ASPRV1: variants seen among roughly 807,000 people sequenced by gnomAD.
ASPRV1 encodes the protein retroviral-like aspartic protease 1.
ASPRV1 carries 7 observed loss-of-function variants against 11.0 expected under a neutral mutation model. That is an observed-to-expected ratio of 0.64 (90% confidence interval 0.36 to 1.20). The LOEUF (loss-of-function observed/expected upper bound fraction) is 1.20, where lower values mean the gene tolerates loss of function less well. Among genes scored for constraint, ASPRV1 ranks in the 50% most tolerant of loss-of-function variants. The probability of loss-of-function intolerance (pLI) is 0.02; values close to 1 mark genes in which losing one functional copy is unlikely to be tolerated. For missense variants in ASPRV1, 299 were observed against 320.0 expected, an observed-to-expected ratio of 0.93 and a Z score of 0.50; for synonymous variants, 136 against 138.4, an observed-to-expected ratio of 0.98 and a Z score of 0.12.
chr2:70,086,395 G>A, the ASPRV1 span: 2 of 152,276 alleles, frequency 1.3e-5, no homozygotes, highest in Admixed American at 6.5e-5. Flanking sequence ...GTCTGGCTTA[G>A]CCCAAGGAGG....
the ASPRV1 span, among the ~76,000 whole-genome samples, chr2:70,044,625 A>G: frequency 4.6e-5 from 7 of 151,568 alleles, no homozygotes; most frequent in Admixed American, 1.3e-4. Context: ...ACGCCCAGCT[A>G]ATTTTGTATT....
the ASPRV1 span, among the ~76,000 whole-genome samples, chr2:70,044,016 A>AAACACGTCCC: frequency 6.6e-6 from 1 of 152,124 alleles, no homozygotes; most frequent in African/African-American, 2.4e-5. Context: ...CCTTTATCTC[A>AAACACGTCCC]AACTCATTGG....
chr2:69,933,068 G>A, the ASPRV1 span, among the ~76,000 whole-genome samples: 4 of 151,440 alleles, frequency 2.6e-5, no homozygotes, highest in African/African-American at 4.8e-5. Context: ...ACGTGGTGGC[G>A]GGCGCCTGTA....
chr2:70,008,746 C>A, the ASPRV1 span, among the ~76,000 whole-genome samples: 1 of 152,066 alleles, frequency 6.6e-6, no homozygotes, highest in Non-Finnish European at 1.5e-5. Context: ...ACTGGACACC[C>A]CTGGCTAGCC....
chr2:70,061,894 T>C, the ASPRV1 span, among the ~76,000 whole-genome samples: 1 of 150,456 alleles, frequency 6.6e-6, no homozygotes, highest in East Asian at 2.0e-4. Context: ...ACCTGGGAGA[T>C]GGAGGCTGCA....
the ASPRV1 span, among the ~76,000 whole-genome samples, chr2:69,945,217 C>T: frequency 1.2e-4 from 18 of 151,188 alleles, no homozygotes; most frequent in South Asian, 2.1e-4. Context: ...CCAGCCTGGG[C>T]GACAGAGAGA....
chr2:69,967,551 G>A, the ASPRV1 span, among the ~76,000 whole-genome samples: 1 of 152,176 alleles, frequency 6.6e-6, no homozygotes, highest in African/African-American at 2.4e-5. Flanking sequence ...GCACAGGATA[G>A]GATGCCTCGG....
chr2:70,081,696 A>C, the ASPRV1 span, among the ~76,000 whole-genome samples: 3 of 151,740 alleles, frequency 2.0e-5, no homozygotes, highest in Non-Finnish European at 2.9e-5. Context: ...TGATTCTCCC[A>C]TCTCAGCCTT....
the ASPRV1 span, chr2:70,085,680 T>C: frequency 6.6e-6 from 1 of 152,144 alleles, no homozygotes; most frequent in African/African-American, 2.4e-5. Flanking sequence ...CAGAGGACCA[T>C]GGTAAAAATT....
At chr2:70,008,575 T>C in the ASPRV1 span, among the ~76,000 whole-genome samples, 1,353 of 152,170 alleles carry the variant, frequency 8.9e-3, 22 homozygotes, top group African/African-American at 0.03. Context: ...CCAGGACAGC[T>C]TTGAATGTGG....
At chr2:69,942,835 GCA>G in the ASPRV1 span, 15 of 151,940 alleles carry the variant, frequency 9.9e-5, no homozygotes, top group Non-Finnish European at 1.8e-4. Flanking sequence ...ACTACAGTTA[GCA>G]CATGCATTTT....
chr2:70,005,912 A>G, the ASPRV1 span, among the ~76,000 whole-genome samples: 1 of 152,246 alleles, frequency 6.6e-6, no homozygotes, highest in African/African-American at 2.4e-5. Flanking sequence ...ATAGAGACTC[A>G]GGAGCCATGG....
upstream of ASPRV1, among the ~76,000 whole-genome samples, chr2:69,965,443 TA>T (rs924253081): frequency 2.0e-5 from 3 of 146,534 alleles, no homozygotes; most frequent in Non-Finnish European, 1.5e-5. Flanking sequence ...GCTGGTGGGC[TA>T]AAAAAAAAAC....
At chr2:69,936,841 G>A in the ASPRV1 span, among the ~76,000 whole-genome samples, 1 of 152,170 alleles carries the variant, frequency 6.6e-6, no homozygotes, top group Non-Finnish European at 1.5e-5. Context: ...AAATGGAAGC[G>A]TGTTTCTTAA....
the ASPRV1 span, among the ~76,000 whole-genome samples, chr2:70,035,466 C>T: frequency 6.6e-6 from 1 of 151,896 alleles, no homozygotes; most frequent in African/African-American, 2.4e-5. Context: ...CACAGCTCAA[C>T]ATGCCTCAAG....
At chr2:69,958,995 C>G (rs77506534), downstream of ASPRV1, among the ~76,000 whole-genome samples, 1 of 152,116 alleles carries the variant, frequency 6.6e-6, no homozygotes, top group Non-Finnish European at 1.5e-5. Context: ...CGGTAAACCC[C>G]GAGGATTAGG....
chr2:69,936,328 C>T, the ASPRV1 span, among the ~76,000 whole-genome samples: 1 of 152,056 alleles, frequency 6.6e-6, no homozygotes, highest in Admixed American at 6.5e-5. Context: ...AGACTATACA[C>T]CCCACGAGGG....
chr2:70,021,863 C>T, the ASPRV1 span, among the ~76,000 whole-genome samples: 1 of 150,582 alleles, frequency 6.6e-6, no homozygotes, highest in Admixed American at 6.6e-5. Flanking sequence ...CCACCATACC[C>T]AGCTAATTTT....
At chr2:69,938,113 C>CGT in the ASPRV1 span, 1 of 1,614,048 alleles carries the variant, frequency 6.2e-7, no homozygotes, top group Non-Finnish European at 8.5e-7. Flanking sequence ...TCGACGTTGA[C>CGT]GTGGAGAGCA....
Sources: allele counts gnomAD v4.1 joint callset (sites outside exome capture counted in the v4.1 genomes callset), GRCh38; gene constraint gnomAD v4.1.1; transcripts MANE v1.5; gene names NCBI Gene and HGNC (gene_info 2026-07-23, HGNC 2026-07-21).